Variants in FRY observed in about 807,000 individuals in gnomAD.
The protein encoded by FRY is protein furry homolog.
FRY carries 128 observed loss-of-function variants against 348.4 expected under a neutral mutation model. That is an observed-to-expected ratio of 0.37 (90% CI 0.32 to 0.43). The LOEUF is 0.43. FRY is among the 20% of genes least tolerant of loss of function. The probability of loss-of-function intolerance (pLI) is 1.00; values close to 1 mark genes in which losing one functional copy is unlikely to be tolerated. For synonymous variants in FRY, 1,370 were observed against 1,374.7 expected, an observed-to-expected ratio of 1.00 and a Z score of 0.08; for missense variants, 2,736 against 3,695.2, an observed-to-expected ratio of 0.74 and a Z score of 6.73.
rs756765597 is a variant in FRY at position 32,209,032 on chromosome 13, G to A, written c.4198G>A (p.Gly1400Arg). The change falls in exon 32 of 61, where the codon GGG (glycine) becomes AGG (arginine). Residue 1400 changes from glycine to arginine, a missense_variant. Gly to Arg is a moderately radical substitution (Grantham distance 125). This residue lies in a region of FRY where 794 missense variants were observed against 977.0 expected (regional missense o/e 0.81). Coordinates refer to ENST00000542859, the MANE Select transcript of FRY (RefSeq NM_023037.3). ...GGAAGGTGACGTGACTGCTTCTCAC[G>A]GGCTGAGAGGAAATGGCTGGGGCTC... ...DREGDVTASH[G>R]LRGNGWGSPE... 5.5e-5 allele frequency: 89 copies of A among 1,614,002 alleles called. No homozygotes were observed. Among genetic ancestry groups the A allele is most frequent in the Middle Eastern group, 1.6e-4 (1 of 6,084 alleles).
intron 1 of FRY, among the ~76,000 whole-genome samples, chr13:32,044,458 C>T (rs1872912782): frequency 6.6e-6 from 1 of 152,178 alleles, no homozygotes; most frequent in Non-Finnish European, 1.5e-5. Context: ...TTTAAACTTC[C>T]TTACATCCTA....
At chr13:32,281,350 A>G (rs1006078535) in intron 58 of FRY, among the ~76,000 whole-genome samples, 1 of 152,232 alleles carries the variant, frequency 6.6e-6, no homozygotes, top group African/African-American at 2.4e-5. Context: ...CCATTTGTCC[A>G]CACTTTCTCT....
intron 3 of FRY, among the ~76,000 whole-genome samples, chr13:32,110,857 T>C (rs935202178): frequency 1.3e-5 from 2 of 152,220 alleles, no homozygotes; most frequent in Admixed American, 6.5e-5. Context: ...CATAATAAAG[T>C]CTGATTACTC....
At position 32,247,555 on chromosome 13, in the gene FRY, C is replaced by T. The variant is rs1418947572; in HGVS notation, c.7008+53C>T. ...GAACTTTAGCATGAATTTGTAGTAG[C>T]AAAGATCAAAAGTAGTTGCCTGGAA... On this transcript the variant is annotated intron_variant, in intron 48 of 60. Transcript: ENST00000542859. 3 of 1,357,422 alleles carry T rather than the reference C, an allele frequency of 2.2e-6. No homozygotes were observed. The Admixed American group carries it at 5.0e-5, about 23-fold the overall frequency. 84.1% of individuals were successfully genotyped at this position (1,357,422 alleles called of 1,614,324 possible). A position where few individuals can be genotyped will look rare whatever the true frequency, so the allele number is the denominator to read the frequency against.
At chr13:32,112,246 CTT>C (rs549832624) in intron 3 of FRY, among the ~76,000 whole-genome samples, 6 of 147,230 alleles carry the variant, frequency 4.1e-5, no homozygotes, top group Admixed American at 6.8e-5. Flanking sequence ...CATTTTTTGT[CTT>C]TTTTTTTTAA....
At chr13:32,034,985 C>T (rs1872435119) in intron 1 of FRY, among the ~76,000 whole-genome samples, 1 of 152,372 alleles carries the variant, frequency 6.6e-6, no homozygotes, top group East Asian at 1.9e-4. Flanking sequence ...TAAGTAATCA[C>T]TCTCAGTTTC....
intron 11 of FRY, among the ~76,000 whole-genome samples, chr13:32,141,338 CAAAA>C (rs1880058698): frequency 6.6e-6 from 1 of 151,988 alleles, no homozygotes; most frequent in African/African-American, 2.4e-5. Context: ...ATTCAAGTAT[CAAAA>C]AGAAATGTCA....
At chr13:32,119,453 A>G (rs1878513881) in intron 4 of FRY, among the ~76,000 whole-genome samples, 1 of 152,188 alleles carries the variant, frequency 6.6e-6, no homozygotes, top group Non-Finnish European at 1.5e-5. Context: ...TATATGTCTT[A>G]CTTTGATTTG....
rs1371892854 is a variant in FRY, at chr13:32,244,100, T to G, written c.6746T>G (p.Leu2249Arg). 6.2e-7 allele frequency: 1 copy of G among 1,613,846 alleles called. No individual in the cohort carries two copies. Among genetic ancestry groups the G allele is most frequent in the Non-Finnish European group, 8.5e-7 (1 of 1,179,822 alleles). ...QQPLLQVIYS[L>R]LSYMDLSVVP... is the part of the protein sequence containing the mutation. ...CCCCTGCTCCAGGTGATCTACAGTCTTCTCAGCTACATGGACCTTTCTGTC... is the reference window on the plus strand; with the variant it reads ...CCCCTGCTCCAGGTGATCTACAGTCGTCTCAGCTACATGGACCTTTCTGTC... Residue 2249 changes from leucine to arginine, a missense_variant, in exon 47 of 61, where the codon CTT becomes CGT. Physicochemically the swap from Leu to Arg is moderately radical, Grantham distance 102. This residue lies in a region of FRY where 789 missense variants were observed against 996.2 expected (regional missense o/e 0.79). Coordinates refer to ENST00000542859, the MANE Select transcript of FRY (RefSeq NM_023037.3).
At chr13:32,214,650 T>C (rs1480405331) in intron 35 of FRY, among the ~76,000 whole-genome samples, 1 of 152,234 alleles carries the variant, frequency 6.6e-6, no homozygotes, top group African/African-American at 2.4e-5. Context: ...AGAAATGTCA[T>C]ATCCCCAGAG....
At chr13:32,101,096 A>T (rs1317732861) in intron 2 of FRY, among the ~76,000 whole-genome samples, 3 of 152,162 alleles carry the variant, frequency 2.0e-5, no homozygotes, top group African/African-American at 7.2e-5. Context: ...GTACTCTTTG[A>T]TCAACATCTT....
At chr13:32,186,070 G>A (rs547382766) in intron 26 of FRY, among the ~76,000 whole-genome samples, 190 bp from the exon 27 acceptor site, 6 of 152,186 alleles carry the variant, frequency 3.9e-5, no homozygotes, top group East Asian at 1.9e-4. Flanking sequence ...TGGCTGCAAC[G>A]TGAGGACAGG....
intron 1 of FRY, among the ~76,000 whole-genome samples, chr13:32,032,811 TA>T (rs1872310628): frequency 6.6e-6 from 1 of 152,190 alleles, no homozygotes. Flanking sequence ...TTGTTTTAAA[TA>T]AAAAAATTTT....
chr13:32,290,903 G>A (rs1450478898), intron 59 of FRY, among the ~76,000 whole-genome samples: 1 of 152,094 alleles, frequency 6.6e-6, no homozygotes, highest in Non-Finnish European at 1.5e-5. Context: ...TAGCACCAAA[G>A]CTGAAACAGG....
intron 48 of FRY, among the ~76,000 whole-genome samples, chr13:32,248,489 A>C (rs1304562995): frequency 6.6e-6 from 1 of 151,952 alleles, no homozygotes; most frequent in Non-Finnish European, 1.5e-5. Context: ...TGTGTAAGAA[A>C]CCTGCACATT....
chr13:32,186,852 C>T (rs1883056061), intron 27 of FRY, among the ~76,000 whole-genome samples: 1 of 152,106 alleles, frequency 6.6e-6, no homozygotes, highest in African/African-American at 2.4e-5. Context: ...TAATTTCCTT[C>T]AGAAAACTAA....
chr13:32,055,387 G>A (rs894148550), intron 1 of FRY, among the ~76,000 whole-genome samples: 1 of 152,088 alleles, frequency 6.6e-6, no homozygotes, highest in Non-Finnish European at 1.5e-5. Flanking sequence ...TCCTCTACGT[G>A]GGAGGATGGT....
At chr13:32,173,995 A>T (rs1426108035) in intron 19 of FRY, among the ~76,000 whole-genome samples, 1 of 152,220 alleles carries the variant, frequency 6.6e-6, no homozygotes, top group African/African-American at 2.4e-5. Context: ...GCATCACAAA[A>T]AACACGTCCT....
At chr13:32,041,717 C>T (rs146499464) in intron 1 of FRY, among the ~76,000 whole-genome samples, 3 of 152,134 alleles carry the variant, frequency 2.0e-5, no homozygotes, top group Non-Finnish European at 4.4e-5. Context: ...CAACCTGTCT[C>T]GCTTCTGTTT....
Sources: allele counts gnomAD v4.1 joint callset (sites outside exome capture counted in the v4.1 genomes callset), GRCh38; gene constraint gnomAD v4.1.1; regional missense constraint gnomAD v4.1.1; transcripts MANE v1.5; gene names NCBI Gene and HGNC (gene_info 2026-07-23, HGNC 2026-07-21).